The following CTNNA2 variants were observed in gnomAD, a reference collection of about 807,000 sequenced individuals.
CTNNA2 encodes the protein catenin alpha 2, also known as catenin alpha-2.
A neutral mutation model predicts 101.0 loss-of-function variants in CTNNA2; 42 were observed. The ratio of observed to expected loss-of-function variants is 0.42; its 90% confidence interval spans 0.32 to 0.54. CTNNA2 has a LOEUF of 0.54. Ranked by LOEUF, CTNNA2 falls within the 20% of genes least tolerant of loss-of-function variation. CTNNA2 has a pLI of 0.14. For synonymous variants in CTNNA2, 450 were observed against 456.4 expected (o/e 0.99, Z 0.18); for missense variants, 871 against 1,223.1 (o/e 0.71, Z 4.29).
chr2:80,497,455 C>T (rs963402792), intron 9 of CTNNA2, among the ~76,000 whole-genome samples: 4 of 152,188 alleles, frequency 2.6e-5, no homozygotes, highest in African/African-American at 9.7e-5. Flanking sequence ...CTACACTAAA[C>T]ACTAAACTCT....
chr2:80,473,975 A>G (rs1192449232), intron 9 of CTNNA2, among the ~76,000 whole-genome samples: 2 of 152,186 alleles, frequency 1.3e-5, no homozygotes, highest in Admixed American at 1.3e-4. Flanking sequence ...CATCTGTCTT[A>G]CATTCCTGCC....
chr2:79,726,866 A>G (rs1160217646), intron 2 of CTNNA2, among the ~76,000 whole-genome samples: 1 of 152,220 alleles, frequency 6.6e-6, no homozygotes, highest in Non-Finnish European at 1.5e-5. Flanking sequence ...ACTTCAGACT[A>G]CATATTAGGT....
intron 7 of CTNNA2, among the ~76,000 whole-genome samples, chr2:80,321,216 T>G (rs868224562): frequency 1.2e-4 from 19 of 152,044 alleles, no homozygotes; most frequent in Non-Finnish European, 2.5e-4. Flanking sequence ...AAATATTTAG[T>G]GTATAGATTA....
At chr2:79,638,523 C>T (rs970273439) in intron 1 of CTNNA2, among the ~76,000 whole-genome samples, 6 of 152,096 alleles carry the variant, frequency 3.9e-5, no homozygotes, top group Non-Finnish European at 7.4e-5. Context: ...CCTTTCAAGA[C>T]TCATAATTCA....
intron 7 of CTNNA2, among the ~76,000 whole-genome samples, chr2:80,041,231 T>C (rs905380102): frequency 1.3e-5 from 2 of 152,022 alleles, no homozygotes; most frequent in African/African-American, 4.8e-5. Context: ...TTTTTTATAA[T>C]CATAGAGGAA....
chr2:80,229,779 T>C (rs1709089638), intron 7 of CTNNA2, among the ~76,000 whole-genome samples: 1 of 152,156 alleles, frequency 6.6e-6, no homozygotes, highest in Non-Finnish European at 1.5e-5. Flanking sequence ...TTCCAAAAGT[T>C]ACTCATTAAC....
At chr2:80,611,196 C>T (rs1302496308) in intron 17 of CTNNA2, among the ~76,000 whole-genome samples, 1 of 148,288 alleles carries the variant, frequency 6.7e-6, no homozygotes, top group Admixed American at 6.7e-5. Flanking sequence ...AAGATTAAAC[C>T]GTCTATAAAT....
chr2:79,862,862 A>T (rs1195648793), intron 4 of CTNNA2, among the ~76,000 whole-genome samples: 1 of 152,226 alleles, frequency 6.6e-6, no homozygotes, highest in Non-Finnish European at 1.5e-5. Flanking sequence ...TAAATAACAG[A>T]AAACCTAATT....
chr2:80,002,123 T>C (rs549500820), intron 7 of CTNNA2, among the ~76,000 whole-genome samples: 1 of 152,340 alleles, frequency 6.6e-6, no homozygotes, highest in Admixed American at 6.5e-5. Context: ...TTTGTGATGT[T>C]ATTCTTTAAG....
rs138749918 is a variant in CTNNA2 at position 80,171,575 on chromosome 2, G to A, written c.1057-221636G>A. ...GAGGCATCAGTGCTCAAGGCACCTA[G>A]GCTAGCGAGTCTCATGCACTTTCCT... On this transcript the variant is annotated intron_variant, in intron 7 of 18. Transcript: ENST00000402739. Among the ~76,000 whole-genome samples the A allele has an allele frequency of 6.3e-3, 960 of 152,298 alleles. 7 individuals are homozygous for A. Among genetic ancestry groups the A allele is most frequent in the Middle Eastern group, 0.017 (5 of 294 alleles).
chr2:80,216,484 T>C (rs1211443063), intron 7 of CTNNA2, among the ~76,000 whole-genome samples: 2 of 152,222 alleles, frequency 1.3e-5, no homozygotes, highest in Non-Finnish European at 2.9e-5. Context: ...ATCTCATTAT[T>C]TGGAGGTGAC....
intron 8 of CTNNA2, among the ~76,000 whole-genome samples, chr2:80,416,742 A>C (rs1211550671): frequency 6.6e-6 from 1 of 151,926 alleles, no homozygotes; most frequent in African/African-American, 2.4e-5. Flanking sequence ...TAGATATTTT[A>C]ATTCTTAAAA....
chr2:80,412,227 G>A (rs1216838229), intron 8 of CTNNA2, among the ~76,000 whole-genome samples: 18 of 152,214 alleles, frequency 1.2e-4, no homozygotes, highest in Admixed American at 1.2e-3. Context: ...ATTTGACACT[G>A]ACCTGTGCGT....
At chr2:80,254,358 A>G (rs1012212936) in intron 7 of CTNNA2, among the ~76,000 whole-genome samples, 7 of 152,194 alleles carry the variant, frequency 4.6e-5, no homozygotes, top group African/African-American at 9.6e-5. Context: ...GAAGAGGGCT[A>G]GAAACTAAAA....
chr2:80,602,393 TG>T (rs1452867387), intron 15 of CTNNA2, among the ~76,000 whole-genome samples: 1 of 152,020 alleles, frequency 6.6e-6, no homozygotes, highest in African/African-American at 2.4e-5. Context: ...GGAACGTTCA[TG>T]AGGAAGCATT....
At chr2:80,561,335 A>G (rs1446661373) in intron 12 of CTNNA2, among the ~76,000 whole-genome samples, 1 of 152,240 alleles carries the variant, frequency 6.6e-6, no homozygotes, top group African/African-American at 2.4e-5. Context: ...CCTTAAATAG[A>G]TAACGTATAA....
intron 4 of CTNNA2, among the ~76,000 whole-genome samples, chr2:79,440,172 C>T (rs1038634742): frequency 6.6e-6 from 1 of 151,998 alleles, no homozygotes; most frequent in African/African-American, 2.4e-5. Flanking sequence ...TGCCAGAAAA[C>T]ACACAAATGA....
At chr2:80,259,347 T>A (rs1672419324) in intron 7 of CTNNA2, among the ~76,000 whole-genome samples, 1 of 152,148 alleles carries the variant, frequency 6.6e-6, no homozygotes, top group South Asian at 2.1e-4. Context: ...CTGCACAGAA[T>A]AACTGGGGTT....
intron 9 of CTNNA2, among the ~76,000 whole-genome samples, chr2:80,544,233 G>A (rs367846050): frequency 2.0e-5 from 3 of 151,614 alleles, no homozygotes; most frequent in Admixed American, 6.6e-5. Flanking sequence ...GTTTGAAGAC[G>A]GAAGGGGCCA....
Sources: gnomAD v4.1 joint callset for allele counts (sites outside exome capture counted in the v4.1 genomes callset) on GRCh38, gnomAD v4.1.1 for gene constraint, MANE v1.5 for transcripts, NCBI Gene and HGNC (gene_info 2026-07-23, HGNC 2026-07-21) for gene names.